The following AGAP1 variants were observed in gnomAD, a reference collection of about 807,000 sequenced individuals.
AGAP1 encodes the protein arf-GAP with GTPase, ANK repeat and PH domain-containing protein 1.
AGAP1 carries 29 observed loss-of-function variants against 105.3 expected under a neutral mutation model. That is an observed-to-expected ratio of 0.28 (90% CI 0.21 to 0.38). The LOEUF (loss-of-function observed/expected upper bound fraction) is 0.38, where lower values mean the gene tolerates loss of function less well. Among genes scored for constraint, AGAP1 ranks in the 10% least tolerant of loss-of-function variants. The probability of loss-of-function intolerance (pLI) is 1.00; values close to 1 mark genes in which losing one functional copy is unlikely to be tolerated. For missense variants in AGAP1, 998 were observed against 1,165.1 expected (o/e 0.86, Z 2.09); for synonymous variants, 509 against 485.9 (o/e 1.05, Z -0.63).
chr2:235,579,572 G>A lies in AGAP1; in HGVS notation c.163+84723G>A, dbSNP rs1170497931. ...GGGCAGATCACGAGGTCAGGAGATC[G>A]AGACCATCCTGGCTAACACAGTGAA... On this transcript the variant is annotated intron_variant, in intron 1 of 17. Coordinates refer to ENST00000304032, the MANE Select transcript of AGAP1 (RefSeq NM_001037131.3). 2.6e-5 allele frequency among the ~76,000 whole-genome samples: 4 copies of A among 152,004 alleles called. No individual in the cohort carries two copies. The East Asian group carries it at 5.8e-4, about 22-fold the overall frequency.
Position 235,901,874 on chromosome 2 carries a change from G to A in AGAP1, c.1156-6864G>A, listed in dbSNP as rs992045355. 7.2e-5 allele frequency among the ~76,000 whole-genome samples: 6 copies of A among 82,854 alleles called. No homozygotes were observed. The highest frequency in any genetic ancestry group is 4.3e-4 in the Admixed American group (3 of 7,032). The allele number at this position is 82,854 out of a possible 152,430, so 54.4% of individuals were successfully genotyped here. On this transcript the variant is annotated intron_variant, in intron 10 of 17. Coordinates refer to ENST00000304032, the MANE Select transcript of AGAP1 (RefSeq NM_001037131.3). The surrounding 1 kb of genome is among the most constrained non-coding windows in gnomAD (Gnocchi z 4.3). ...AGCCTGGGCGACAGAGTGAGACTCCGTCTCGGAAAAAAAAAAAAAAATTAT... is the reference window on the plus strand; with the variant it reads ...AGCCTGGGCGACAGAGTGAGACTCCATCTCGGAAAAAAAAAAAAAAATTAT...
chr2:235,940,624 T>C (rs2053216775), intron 12 of AGAP1, among the ~76,000 whole-genome samples: 1 of 152,212 alleles, frequency 6.6e-6, no homozygotes, highest in African/African-American at 2.4e-5. Context: ...AGACTTCTTG[T>C]TTTTCTCAGC....
chr2:235,798,131 G>A lies in AGAP1; in HGVS notation c.801+245G>A, dbSNP rs3768956. ...GAGGCATGCTGGCCCGGGTGGTGATGGGAGGTGTGTGCTGCAGTCCTCGCT... is the reference window on the plus strand; with the variant it reads ...GAGGCATGCTGGCCCGGGTGGTGATAGGAGGTGTGTGCTGCAGTCCTCGCT... On this transcript the variant is annotated intron_variant, in intron 7 of 17. Transcript: ENST00000304032. Among the ~76,000 whole-genome samples the A allele has an allele frequency of 2.1e-3, 316 of 152,288 alleles. 11 individuals are homozygous for A. In the East Asian group the frequency reaches 0.055, roughly 26 times the overall value.
rs186364482 is a variant in AGAP1, at chr2:236,067,187, G to A, written c.2114+17906G>A. On this transcript the variant is annotated intron_variant, in intron 16 of 17. Transcript: ENST00000304032. ...GCTTGCTGTGTGACCCGGGCTGGAT[G>A]TTCACCCTCACTGTGCCTCAGTTTC... is the stretch of plus-strand genomic sequence containing the variant. Among the ~76,000 whole-genome samples the A allele has an allele frequency of 2.4e-4, 37 of 152,154 alleles. 1 individual carries two copies. Among genetic ancestry groups the A allele is most frequent in the Admixed American group, 2.3e-3 (35 of 15,278 alleles).
intron 8 of AGAP1, among the ~76,000 whole-genome samples, chr2:235,803,112 ATGG>A (rs200951160): frequency 1.6e-4 from 17 of 107,294 alleles, no homozygotes; most frequent in African/African-American, 3.3e-4. Context: ...GATGGTTGTG[ATGG>A]TGATGATGAT....
intron 13 of AGAP1, among the ~76,000 whole-genome samples, chr2:236,004,783 G>A (rs72991135): frequency 4.6e-4 from 70 of 152,320 alleles, no homozygotes; most frequent in Non-Finnish European, 6.9e-4. Context: ...GTGACATATA[G>A]TGTGTGTGCC....
chr2:235,578,771 C>T lies in AGAP1; in HGVS notation c.163+83922C>T, dbSNP rs138940703. ...CTGCACTCCAGCCTGGGCAATACAG[C>T]GAGACTCAGTCTCAAAAAAAAAAAA... On this transcript the variant is annotated intron_variant, in intron 1 of 17. Coordinates refer to ENST00000304032, the MANE Select transcript of AGAP1 (RefSeq NM_001037131.3). This position sits in a 1 kb window ranked among gnomAD's most constrained non-coding sequence, Gnocchi z 4.9. 0.012 allele frequency among the ~76,000 whole-genome samples: 1,671 copies of T among 142,950 alleles called. 35 individuals carry two copies. The highest frequency in any genetic ancestry group is 0.04 in the African/African-American group (1,523 of 37,758). The allele number at this position is 142,950 out of a possible 152,430, so 93.8% of individuals were successfully genotyped here.
Position 236,050,851 on chromosome 2 carries a change from G to A in AGAP1, c.2114+1570G>A, listed in dbSNP as rs548984890. Among the ~76,000 whole-genome samples the A allele has an allele frequency of 2.9e-4, 44 of 152,220 alleles. No individual in the cohort carries two copies. Among genetic ancestry groups the A allele is most frequent in the African/African-American group, 9.4e-4 (39 of 41,554 alleles). On this transcript the variant is annotated intron_variant, in intron 16 of 17. Transcript: ENST00000304032. This position sits in a 1 kb window ranked among gnomAD's most constrained non-coding sequence, Gnocchi z 4.0. ...TTGGAATTATTCGAAGCAAAGATAC[G>A]GGTTCATGTTTTACCTGATAAATGT... is the stretch of plus-strand genomic sequence containing the variant.
chr2:236,032,585 A>C (rs1393181571), intron 13 of AGAP1, among the ~76,000 whole-genome samples: 3 of 152,176 alleles, frequency 2.0e-5, no homozygotes, highest in Admixed American at 2.0e-4. Flanking sequence ...ATGGGGAAGC[A>C]TTATTAGAAA....
intron 13 of AGAP1, among the ~76,000 whole-genome samples, chr2:235,999,344 G>A (rs111163661): frequency 0.016 from 2,352 of 147,648 alleles, 43 homozygotes; most frequent in Middle Eastern, 0.037. Flanking sequence ...GATGATAGTG[G>A]TGATGGTGAT....
chr2:235,636,675 C>A (rs548295402), intron 1 of AGAP1, among the ~76,000 whole-genome samples: 194 of 152,298 alleles, frequency 1.3e-3, no homozygotes, highest in Admixed American at 1.8e-3. Context: ...GTGAGTCGGC[C>A]TGACCAAGTC....
Position 235,865,605 on chromosome 2 carries a change from C to T in AGAP1, c.1051-17740C>T, listed in dbSNP as rs1053966646. On this transcript the variant is annotated intron_variant, in intron 9 of 17. Coordinates refer to ENST00000304032, the MANE Select transcript of AGAP1 (RefSeq NM_001037131.3). The surrounding 1 kb of genome is among the most constrained non-coding windows in gnomAD (Gnocchi z 6.2). Reference sequence around the variant, plus strand: ...CCCTTTGCCCCTCCCCCAACTCCCTCCACTGTACAGAAGGAGCTGCAGAAA... The same window carrying T: ...CCCTTTGCCCCTCCCCCAACTCCCTTCACTGTACAGAAGGAGCTGCAGAAA... Among the ~76,000 whole-genome samples the T allele has an allele frequency of 6.6e-6, 1 of 152,154 alleles. No homozygotes were observed. Among genetic ancestry groups the T allele is most frequent in the East Asian group, 1.9e-4 (1 of 5,184 alleles).
At chr2:235,576,971 C>T (rs1015721257) in intron 1 of AGAP1, among the ~76,000 whole-genome samples, 7 of 152,174 alleles carry the variant, frequency 4.6e-5, no homozygotes, top group Admixed American at 1.3e-4. Flanking sequence ...CTGCTTCTTC[C>T]CCTCCTTCCA....
chr2:235,809,732 C>A (rs1412217515), intron 9 of AGAP1, among the ~76,000 whole-genome samples: 1 of 152,156 alleles, frequency 6.6e-6, no homozygotes, highest in Non-Finnish European at 1.5e-5. Context: ...TAGATCACTT[C>A]AGGTAGCCTG....
At chr2:235,852,869 T>G in intron 9 of AGAP1, 1 of 1,399,102 alleles carries the variant, frequency 7.1e-7, no homozygotes, top group Non-Finnish European at 9.4e-7. Flanking sequence ...GGAGTTAACA[T>G]AGAGGTGAAC....
rs1381327301 is a variant in AGAP1 at position 235,635,899 on chromosome 2, G to T, written c.164-73280G>T. Reference sequence around the variant, plus strand: ...GGAGGCTGAGGCAGGTGGATCTTGAGGTCAGGAGTTCAACACCAGCCTGGC... The same window carrying T: ...GGAGGCTGAGGCAGGTGGATCTTGATGTCAGGAGTTCAACACCAGCCTGGC... On this transcript the variant is annotated intron_variant, in intron 1 of 17. Coordinates refer to ENST00000304032, the MANE Select transcript of AGAP1 (RefSeq NM_001037131.3). The surrounding 1 kb of genome is among the most constrained non-coding windows in gnomAD (Gnocchi z 5.3). Among the ~76,000 whole-genome samples the T allele has an allele frequency of 6.6e-6, 1 of 152,042 alleles. No homozygotes were observed. The highest frequency in any genetic ancestry group is 1.5e-5 in the Non-Finnish European group (1 of 68,022).
At chr2:235,680,544 G>A (rs889570714) in intron 1 of AGAP1, among the ~76,000 whole-genome samples, 1 of 152,092 alleles carries the variant, frequency 6.6e-6, no homozygotes, top group African/African-American at 2.4e-5. Flanking sequence ...TCCTCTTGAA[G>A]CCATGTGGGG....
In AGAP1 at chr2:235,700,770, A is replaced by G. The variant is rs897668277; in HGVS notation, c.164-8409A>G. On this transcript the variant is annotated intron_variant, in intron 1 of 17. Transcript: ENST00000304032. The surrounding 1 kb of genome is among the most constrained non-coding windows in gnomAD (Gnocchi z 6.1). ...AGCCAAGATTGTGCCACTGCACTCCAGGCTGGGCGACAAAGCGAGAATCTG... is the reference window on the plus strand; with the variant it reads ...AGCCAAGATTGTGCCACTGCACTCCGGGCTGGGCGACAAAGCGAGAATCTG... Among the ~76,000 whole-genome samples, 1 of 151,684 alleles carries G rather than the reference A, an allele frequency of 6.6e-6. No individual in the cohort carries two copies. Among genetic ancestry groups the G allele is most frequent in the Non-Finnish European group, 1.5e-5 (1 of 67,972 alleles).
intron 12 of AGAP1, among the ~76,000 whole-genome samples, chr2:235,944,305 T>C (rs2053396029): frequency 6.6e-6 from 1 of 152,222 alleles, no homozygotes; most frequent in Non-Finnish European, 1.5e-5. Context: ...AGAATTCAGC[T>C]CTAGTAGGAG....
Sources: allele counts gnomAD v4.1 joint callset (sites outside exome capture counted in the v4.1 genomes callset), GRCh38; gene constraint gnomAD v4.1.1; non-coding constraint Gnocchi (gnomAD v3.1); transcripts MANE v1.5; gene names NCBI Gene and HGNC (gene_info 2026-07-23, HGNC 2026-07-21).